SLC2A9: variants seen among roughly 807,000 people sequenced by gnomAD.
SLC2A9 encodes the protein solute carrier family 2, facilitated glucose transporter member 9.
A neutral mutation model predicts 50.6 loss-of-function variants in SLC2A9; 39 were observed. That is an observed-to-expected ratio of 0.77 (90% CI 0.60 to 1.01). The LOEUF (loss-of-function observed/expected upper bound fraction) is 1.01. Ranked by LOEUF, SLC2A9 falls within the 50% of genes least tolerant of loss-of-function variation. The probability of loss-of-function intolerance (pLI) is 0.00; values close to 1 mark genes in which losing one functional copy is unlikely to be tolerated. For missense variants in SLC2A9, 686 were observed against 677.6 expected, an observed-to-expected ratio of 1.01 and a Z score of -0.14; for synonymous variants, 324 against 276.9, an observed-to-expected ratio of 1.17 and a Z score of -1.69.
intron 6 of SLC2A9, among the ~76,000 whole-genome samples, chr4:9,935,089 G>A (rs537793303): frequency 1.3e-5 from 2 of 152,236 alleles, no homozygotes; most frequent in African/African-American, 2.4e-5. Context: ...CCATGTCTTT[G>A]CTATTGTAAA....
At chr4:9,935,163 G>A (rs551405313) in intron 6 of SLC2A9, among the ~76,000 whole-genome samples, 2 of 152,266 alleles carry the variant, frequency 1.3e-5, no homozygotes, top group Admixed American at 6.5e-5. Flanking sequence ...ATTCCTTTGG[G>A]TATATGCCCA....
At chr4:9,782,638 G>A in intron 3 of SLC2A9, 1 of 1,613,992 alleles carries the variant, frequency 6.2e-7, no homozygotes, top group South Asian at 1.1e-5. Flanking sequence ...GGACGCCCTG[G>A]GAGGAGGACT....
intron 10 of SLC2A9, among the ~76,000 whole-genome samples, chr4:9,852,096 A>T (rs1023562990): frequency 2.6e-5 from 4 of 152,214 alleles, no homozygotes; most frequent in Admixed American, 2.0e-4. Context: ...AGTCCGTCAG[A>T]TTCTCCAAGG....
intron 1 of SLC2A9, among the ~76,000 whole-genome samples, chr4:10,020,574 G>C (rs944231614): frequency 1.1e-4 from 17 of 152,114 alleles, no homozygotes; most frequent in Non-Finnish European, 2.5e-4. Context: ...ATCCCTGATG[G>C]AACAGAATCA....
At chr4:9,885,975 C>T (rs182624610) in intron 10 of SLC2A9, among the ~76,000 whole-genome samples, 41 of 152,290 alleles carry the variant, frequency 2.7e-4, no homozygotes, top group East Asian at 2.5e-3. Flanking sequence ...CAAATGAGTA[C>T]GCAGGAAACC....
chr4:9,783,297 G>A lies in SLC2A9; in HGVS notation n.386-3232C>T, dbSNP rs758996874. On this transcript the variant is annotated intron_variant and non_coding_transcript_variant, in intron 3 of 3. Coordinates refer to the SLC2A9 transcript ENST00000503803. ...CCCAACGCCGTTACCCCCGGCAACC[G>A]GGAGGTGGACAACGACGAGGAGGAG... 22 of 1,614,106 alleles carry A rather than the reference G, an allele frequency of 1.4e-5. No homozygotes were observed. In the African/African-American group the frequency reaches 1.7e-4, roughly 13 times the overall value.
intron 10 of SLC2A9, among the ~76,000 whole-genome samples, chr4:9,865,918 A>G (rs1732386198): frequency 6.6e-6 from 1 of 152,202 alleles, no homozygotes; most frequent in Non-Finnish European, 1.5e-5. Context: ...CATTTTGGCA[A>G]ACAGAGCATT....
chr4:9,845,427 CTTTTT>C (rs1175166447), intron 10 of SLC2A9, among the ~76,000 whole-genome samples: 4 of 108,690 alleles, frequency 3.7e-5, no homozygotes, highest in East Asian at 2.6e-4. Context: ...TCATCAATTT[CTTTTT>C]TTTTTTTTTT....
chr4:9,790,500 A>C (rs1719771681), intron 3 of SLC2A9, among the ~76,000 whole-genome samples: 2 of 152,138 alleles, frequency 1.3e-5, no homozygotes, highest in Non-Finnish European at 2.9e-5. Flanking sequence ...CTTCATGGGT[A>C]GGGGCTGCCT....
chr4:9,983,990 CAGG>C (rs935956789), intron 4 of SLC2A9, among the ~76,000 whole-genome samples: 2 of 152,142 alleles, frequency 1.3e-5, no homozygotes, highest in Non-Finnish European at 2.9e-5. Context: ...TCTTTCATTA[CAGG>C]AGGAGATCAA....
intron 1 of SLC2A9, among the ~76,000 whole-genome samples, chr4:10,031,444 C>A (rs1428576567): frequency 6.6e-6 from 1 of 152,212 alleles, no homozygotes; most frequent in East Asian, 1.9e-4. Flanking sequence ...AATTCCCAGA[C>A]CAGCTTTAGA....
In SLC2A9 at chr4:9,891,342, T is replaced by A. The variant is rs569766887; in HGVS notation, c.1114-631A>T. Among the ~76,000 whole-genome samples, 3 of 152,296 alleles carry A rather than the reference T, an allele frequency of 2.0e-5. No homozygotes were observed. In the South Asian group the frequency reaches 6.2e-4, roughly 32 times the overall value. ...CTTGGTCAGGAAACAGCTCCTCAACTGCCAATGACTGAAAGAGTAATTGTA... is the reference window on the plus strand; with the variant it reads ...CTTGGTCAGGAAACAGCTCCTCAACAGCCAATGACTGAAAGAGTAATTGTA... On this transcript the variant is annotated intron_variant, in intron 8 of 11. Transcript: ENST00000264784.
At chr4:9,897,280 A>T (rs1280504689) in intron 8 of SLC2A9, among the ~76,000 whole-genome samples, 1 of 152,162 alleles carries the variant, frequency 6.6e-6, no homozygotes, top group Non-Finnish European at 1.5e-5. Flanking sequence ...GAGCTGCCTG[A>T]GGTCACTGAG....
intron 6 of SLC2A9, among the ~76,000 whole-genome samples, chr4:9,925,631 C>T (rs1405535228): frequency 6.6e-6 from 1 of 152,178 alleles, no homozygotes; most frequent in African/African-American, 2.4e-5. Flanking sequence ...TAAGTGTTGG[C>T]ACATAATTTG....
rs190133790 is a variant in SLC2A9, at chr4:9,817,013, C to G, written n.420+9407G>C. The stretch of plus-strand genomic sequence containing the variant: ...TCTACAAGCTGCCTGCTATCCTTGG[C>G]TCATGACCCCTTCCTCCGTCTTCAA... On this transcript the variant is annotated intron_variant and non_coding_transcript_variant, in intron 3 of 3. Coordinates refer to the SLC2A9 transcript ENST00000503280. Among the ~76,000 whole-genome samples the G allele has an allele frequency of 1.3e-3, 197 of 152,310 alleles. 1 individual carries two copies. The highest frequency in any genetic ancestry group is 4.0e-3 in the African/African-American group (165 of 41,568).
intron 3 of SLC2A9, among the ~76,000 whole-genome samples, chr4:9,991,355 A>T (rs1757686652): frequency 6.6e-6 from 1 of 152,230 alleles, no homozygotes; most frequent in East Asian, 1.9e-4. Flanking sequence ...TGTGTTGCTC[A>T]GTCATGGACT....
At position 10,021,436 on chromosome 4, in the gene SLC2A9, C is replaced by T. The variant is rs753833354; in HGVS notation, c.-7G>A. On this transcript the variant is annotated 5_prime_UTR_variant, in exon 1 of 12. Coordinates refer to ENST00000264784, the MANE Select transcript of SLC2A9 (RefSeq NM_020041.3). ...TATTTTGTTTCCTTGCCATGGGTCT[C>T]AGTGACCCAGCTGATGGCTCAGTCC... The T allele has an allele frequency of 2.5e-6, 4 of 1,614,144 alleles. No homozygotes were observed. Among genetic ancestry groups the T allele is most frequent in the Non-Finnish European group, 2.5e-6 (3 of 1,180,026 alleles).
At chr4:9,776,680 C>T (rs997340267), downstream of SLC2A9, among the ~76,000 whole-genome samples, 1 of 152,138 alleles carries the variant, frequency 6.6e-6, no homozygotes, top group Non-Finnish European at 1.5e-5. Flanking sequence ...GGAGAAGGCA[C>T]CTAGATATGC....
At chr4:9,815,599 G>C (rs1323178618) in intron 3 of SLC2A9, among the ~76,000 whole-genome samples, 1 of 152,202 alleles carries the variant, frequency 6.6e-6, no homozygotes. Flanking sequence ...CGGTGAGCCT[G>C]TCACTACATT....
Sources: gnomAD v4.1 joint callset for allele counts (sites outside exome capture counted in the v4.1 genomes callset) on GRCh38, gnomAD v4.1.1 for gene constraint, MANE v1.5 for transcripts, NCBI Gene and HGNC (gene_info 2026-07-23, HGNC 2026-07-21) for gene names.